GSK3A: variants seen among roughly 807,000 people sequenced by gnomAD.
GSK3A encodes the protein glycogen synthase kinase-3 alpha.
GSK3A carries 14 observed loss-of-function variants against 56.6 expected under a neutral mutation model. The ratio of observed to expected loss-of-function variants is 0.25; its 90% confidence interval spans 0.16 to 0.39. The LOEUF (loss-of-function observed/expected upper bound fraction) is 0.39. Among genes scored for constraint, GSK3A ranks in the 10% least tolerant of loss-of-function variants. GSK3A has a pLI of 1.00. For synonymous variants in GSK3A, 301 were observed against 285.0 expected (o/e 1.06, Z -0.56); for missense variants, 450 against 656.0 (o/e 0.69, Z 3.43).
Position 42,242,461 on chromosome 19 carries a change from C to T in GSK3A, c.5G>A (p.Ser2Asn), listed in dbSNP as rs192810927. 3 of 1,230,304 alleles carry T rather than the reference C, an allele frequency of 2.4e-6. No homozygotes were observed. Among genetic ancestry groups the T allele is most frequent in the Non-Finnish European group, 3.0e-6 (3 of 985,872 alleles). 76.2% of individuals were successfully genotyped at this position (1,230,304 alleles called of 1,614,324 possible). The change falls in exon 1 of 11, where the codon AGC becomes AAC. Residue 2 changes from serine to asparagine, a missense_variant. This residue lies in a region of GSK3A where 193 missense variants were observed against 200.5 expected (regional missense o/e 0.96). Coordinates refer to ENST00000222330, the MANE Select transcript of GSK3A (RefSeq NM_019884.3). Reference protein sequence around the residue: MSGGGPSGGGPG... With the variant: MNGGGPSGGGPG... The stretch of plus-strand genomic sequence containing the variant: ...GCCGCCTCCCGAAGGCCCGCCGCCG[C>T]TCATGGCGCCGAGCACAGGCCCAGG...
chr19:42,242,565 C>G lies in GSK3A; in HGVS notation c.-100G>C, dbSNP rs1297414491. 1 of 931,470 alleles carries G rather than the reference C, an allele frequency of 1.1e-6. No homozygotes were observed. Among genetic ancestry groups the G allele is most frequent in the Admixed American group, 5.2e-5 (1 of 19,206 alleles). 57.7% of individuals were successfully genotyped at this position (931,470 alleles called of 1,614,324 possible). A position where few individuals can be genotyped will look rare whatever the true frequency, so the allele number is the denominator to read the frequency against. On this transcript the variant is annotated 5_prime_UTR_variant, in exon 1 of 11. Coordinates refer to ENST00000222330, the MANE Select transcript of GSK3A (RefSeq NM_019884.3). ...CCCCCGGGCCCTGGCCTCTTCCAGG[C>G]CGCGCCGCTCTGGCTTGGGCTCCGG...
intron 6 of GSK3A, 91 bp from the exon 7 acceptor site, chr19:42,233,474 C>T: frequency 1.2e-6 from 1 of 835,320 alleles, no homozygotes; most frequent in Non-Finnish European, 1.9e-6. Flanking sequence ...CTAAGAGTGT[C>T]AGGAGCCCCG....
rs1411342121 is a variant in GSK3A, at chr19:42,234,755, A to C, written c.667-77T>G. ...ACCACTACCCCACCAGCTTGGCCTGAAGAGCCCTTCCAGGCCCACTCTCCC... is the reference window on the plus strand; with the variant it reads ...ACCACTACCCCACCAGCTTGGCCTGCAGAGCCCTTCCAGGCCCACTCTCCC... On this transcript the variant is annotated intron_variant, in intron 4 of 10. Coordinates refer to ENST00000222330, the MANE Select transcript of GSK3A (RefSeq NM_019884.3). The surrounding 1 kb of genome is among the most constrained non-coding windows in gnomAD (Gnocchi z 5.7). The C allele has an allele frequency of 7.0e-7, 1 of 1,419,168 alleles. No homozygotes were observed. The highest frequency in any genetic ancestry group is 9.3e-7 in the Non-Finnish European group (1 of 1,070,206). The allele number at this position is 1,419,168 out of a possible 1,614,324, so 87.9% of individuals were successfully genotyped here. A position where few individuals can be genotyped will look rare whatever the true frequency, so the allele number is the denominator to read the frequency against.
intron 1 of GSK3A, chr19:42,240,518 AG>A (rs1416144565): frequency 5.0e-6 from 2 of 403,966 alleles, no homozygotes; most frequent in East Asian, 8.3e-5. Context: ...TCCTATTTGG[AG>A]AAAGCTTGAC....
At chr19:42,233,262 G>GGCCCCCCCC in intron 7 of GSK3A, 24 bp downstream of exon 7, 4 of 1,077,540 alleles carry the variant, frequency 3.7e-6, no homozygotes, top group Non-Finnish European at 5.5e-6. Flanking sequence ...CCCACCCCCT[G>GGCCCCCCCC]CCCAGCCCAG....
chr19:42,239,329 TCTC>T (rs2036277464), intron 2 of GSK3A, among the ~76,000 whole-genome samples: 1 of 152,220 alleles, frequency 6.6e-6, no homozygotes, highest in Non-Finnish European at 1.5e-5. Flanking sequence ...TAGGCTCAGT[TCTC>T]CTACATCCAG....
rs1230864468 is a variant in GSK3A, at chr19:42,242,360, GGCC to G, written c.103_105del (p.Gly35del). The G allele has an allele frequency of 8.5e-6, 12 of 1,405,006 alleles. No homozygotes were observed. The highest frequency in any genetic ancestry group is 3.0e-5 in the South Asian group (2 of 66,790). 87.0% of individuals were successfully genotyped at this position (1,405,006 alleles called of 1,614,324 possible). A position where few individuals can be genotyped will look rare whatever the true frequency, so the allele number is the denominator to read the frequency against. ...CCTGGGCCGGAGGCCGAGCCTCCGG[GGCC>G]GCCGCCGCCTCCTCCGCCTCCGCCG... On this transcript the variant is annotated inframe_deletion, in exon 1 of 11. Coordinates refer to ENST00000222330, the MANE Select transcript of GSK3A (RefSeq NM_019884.3).
chr19:42,240,340 C>G (rs1313465257), intron 1 of GSK3A, 198 bp from the exon 2 acceptor site: 1 of 610,196 alleles, frequency 1.6e-6, no homozygotes, highest in Admixed American at 2.7e-5. Context: ...AATCTTAAGT[C>G]CTGCTCCCCT....
rs546184310 is a variant in GSK3A at position 42,235,130 on chromosome 19, A to T, written c.667-452T>A. Among the ~76,000 whole-genome samples, 60 of 152,180 alleles carry T rather than the reference A, an allele frequency of 3.9e-4. 1 individual carries two copies. The South Asian group carries it at 7.3e-3, about 18-fold the overall frequency. On this transcript the variant is annotated intron_variant, in intron 4 of 10. Transcript: ENST00000222330. ...TGACAGAGACCCTGTCTCAAAAAAA[A>T]CAAAAAAAAAGGGACTGCTGGGCCC...
At chr19:42,235,573 C>T (rs746475294) in intron 4 of GSK3A, among the ~76,000 whole-genome samples, 13 of 152,184 alleles carry the variant, frequency 8.5e-5, no homozygotes, top group Non-Finnish European at 1.3e-4. Context: ...CAGTTCCCCT[C>T]GGCCAAAGAT....
rs1242490555 is a variant in GSK3A at position 42,234,345 on chromosome 19, ACT to A, written c.904+6_904+7del. Reference sequence around the variant, plus strand: ...CCACTCCCCCCGCCACCCTCCCATAACTCTGACCGATGGATGAGGTGTAATCA... The same window carrying A: ...CCACTCCCCCCGCCACCCTCCCATAACTGACCGATGGATGAGGTGTAATCA... On this transcript the variant is annotated splice_donor_region_variant and intron_variant, in intron 6 of 10. Coordinates refer to ENST00000222330, the MANE Select transcript of GSK3A (RefSeq NM_019884.3). This position sits in a 1 kb window ranked among gnomAD's most constrained non-coding sequence, Gnocchi z 5.7. 4.4e-6 allele frequency: 7 copies of A among 1,608,960 alleles called. No homozygotes were observed. The highest frequency in any genetic ancestry group is 6.0e-6 in the Non-Finnish European group (7 of 1,175,536).
At chr19:42,239,917 G>T in intron 2 of GSK3A, 38 bp downstream of exon 2, 1 of 1,570,464 alleles carries the variant, frequency 6.4e-7, no homozygotes, top group Non-Finnish European at 8.8e-7. Context: ...GTCACACCCA[G>T]TCCCCAAACC....
At position 42,230,647 on chromosome 19, in the gene GSK3A, G is replaced by A; in HGVS notation, c.*147C>T. ...CCACAGGGGTGAGGCTGGTGAGGGA[G>A]GGACTGGAGGTGGGGACAGGGACTC... On this transcript the variant is annotated 3_prime_UTR_variant, in exon 11 of 11. Transcript: ENST00000222330. The A allele has an allele frequency of 1.5e-6, 1 of 652,682 alleles. No homozygotes were observed. The highest frequency in any genetic ancestry group is 2.8e-6 in the Non-Finnish European group (1 of 356,562). 40.4% of individuals were successfully genotyped at this position (652,682 alleles called of 1,614,324 possible).
chr19:42,230,630 G>T lies in GSK3A; in HGVS notation c.*164C>A. ...TCCTCTTAAAAAGCCCACCACAGGG[G>T]TGAGGCTGGTGAGGGAGGGACTGGA... On this transcript the variant is annotated 3_prime_UTR_variant, in exon 11 of 11. Coordinates refer to ENST00000222330, the MANE Select transcript of GSK3A (RefSeq NM_019884.3). 2 of 632,752 alleles carry T rather than the reference G, an allele frequency of 3.2e-6. No individual in the cohort carries two copies. The highest frequency in any genetic ancestry group is 2.6e-5 in the Admixed American group (1 of 38,726). The allele number at this position is 632,752 out of a possible 1,614,324, so 39.2% of individuals were successfully genotyped here.
intron 6 of GSK3A, among the ~76,000 whole-genome samples, chr19:42,233,732 G>A (rs957382590): frequency 6.6e-6 from 1 of 152,092 alleles, no homozygotes; most frequent in African/African-American, 2.4e-5. Flanking sequence ...CTTAAATCCT[G>A]GACTGCCTTC....
At chr19:42,230,991 G>A (rs897898755) in intron 10 of GSK3A, 124 bp from the exon 11 acceptor site, 2 of 729,390 alleles carry the variant, frequency 2.7e-6, no homozygotes, top group Admixed American at 4.1e-5. Context: ...GTTACTTTAG[G>A]TGAAGGGTTG....
chr19:42,235,343 TC>T (rs1470688952), intron 4 of GSK3A, among the ~76,000 whole-genome samples: 5 of 151,698 alleles, frequency 3.3e-5, no homozygotes, highest in Admixed American at 1.3e-4. Flanking sequence ...GCACTCAGCT[TC>T]CCCCTCACCA....
chr19:42,237,555 A>G (rs2036265155), intron 2 of GSK3A, among the ~76,000 whole-genome samples: 1 of 151,100 alleles, frequency 6.6e-6, no homozygotes, highest in Non-Finnish European at 1.5e-5. Context: ...GCACCTTCTG[A>G]TTTTTTTCTC....
rs1407241130 is a variant in GSK3A, at chr19:42,234,223, C to T, written c.904+130G>A. 2 of 715,916 alleles carry T rather than the reference C, an allele frequency of 2.8e-6. No individual in the cohort carries two copies. The highest frequency in any genetic ancestry group is 5.2e-5 in the East Asian group (2 of 38,240). The allele number at this position is 715,916 out of a possible 1,614,324, so 44.3% of individuals were successfully genotyped here. A position where few individuals can be genotyped will look rare whatever the true frequency, so the allele number is the denominator to read the frequency against. On this transcript the variant is annotated intron_variant, in intron 6 of 10. Coordinates refer to ENST00000222330, the MANE Select transcript of GSK3A (RefSeq NM_019884.3). This position sits in a 1 kb window ranked among gnomAD's most constrained non-coding sequence, Gnocchi z 5.7. ...AATTAGCATTCAACAGCATCAGCCT[C>T]CTAAGTTTGTGAGGACTGGATACAA...
Sources: gnomAD v4.1 joint callset for allele counts (sites outside exome capture counted in the v4.1 genomes callset) on GRCh38, gnomAD v4.1.1 for gene constraint, gnomAD v4.1.1 regional missense constraint, Gnocchi (gnomAD v3.1) non-coding constraint, MANE v1.5 for transcripts, NCBI Gene and HGNC (gene_info 2026-07-23, HGNC 2026-07-21) for gene names.